Variants in VDR observed in about 807,000 individuals in gnomAD.
The protein encoded by VDR is vitamin D3 receptor.
In VDR, 19 loss-of-function variants were observed where a neutral mutation model predicts 39.7. That is an observed-to-expected ratio of 0.48 (90% CI 0.33 to 0.70). The LOEUF (loss-of-function observed/expected upper bound fraction) is 0.70. Among genes scored for constraint, VDR ranks in the 30% least tolerant of loss-of-function variants. The pLI is 0.02. For synonymous variants in VDR, 242 were observed against 215.8 expected, an observed-to-expected ratio of 1.12 and a Z score of -1.07; for missense variants, 442 against 570.5, an observed-to-expected ratio of 0.77 and a Z score of 2.29.
intron 3 of VDR, 82 bp from the exon 4 acceptor site, chr12:47,865,259 G>C (rs961490479): frequency 3.8e-6 from 6 of 1,587,478 alleles, no homozygotes; most frequent in Admixed American, 1.7e-5. Flanking sequence ...TGTCTTCTGG[G>C]CCCCCTGGTC....
intron 3 of VDR, among the ~76,000 whole-genome samples, chr12:47,876,717 TGG>T (rs1946013963): frequency 6.6e-6 from 1 of 152,240 alleles, no homozygotes; most frequent in Non-Finnish European, 1.5e-5. Context: ...ACACTCAGCC[TGG>T]GGCATGACAG....
At chr12:47,884,409 C>T (rs1946216760) in intron 1 of VDR, among the ~76,000 whole-genome samples, 2 of 152,184 alleles carry the variant, frequency 1.3e-5, no homozygotes, top group African/African-American at 4.8e-5. Flanking sequence ...CAGGGTCCCA[C>T]AGCTAGGCAA....
chr12:47,899,085 C>T (rs1946514017), intron 1 of VDR, among the ~76,000 whole-genome samples: 1 of 152,096 alleles, frequency 6.6e-6, no homozygotes, highest in South Asian at 2.1e-4. Context: ...TTGAAGAACC[C>T]AAGTTGCAGA....
At chr12:47,888,620 G>C (rs149947070) in intron 1 of VDR, among the ~76,000 whole-genome samples, 1 of 152,280 alleles carries the variant, frequency 6.6e-6, no homozygotes, top group South Asian at 2.1e-4. Context: ...GGCTATGCCC[G>C]TCACTGCTGG....
intron 3 of VDR, among the ~76,000 whole-genome samples, chr12:47,870,006 G>C (rs905431994): frequency 2.0e-5 from 3 of 152,204 alleles, no homozygotes; most frequent in Non-Finnish European, 4.4e-5. Flanking sequence ...AAAGGAAGAG[G>C]ACACCATTAC....
intron 4 of VDR, among the ~76,000 whole-genome samples, chr12:47,861,513 G>T (rs554780539): frequency 6.6e-6 from 1 of 152,210 alleles, no homozygotes; most frequent in African/African-American, 2.4e-5. Flanking sequence ...TTTGTTTAAA[G>T]ATCTTGTTAA....
At chr12:47,904,443 T>G in intron 1 of VDR, 1 of 745,606 alleles carries the variant, frequency 1.3e-6, no homozygotes, top group Non-Finnish European at 1.9e-6. Context: ...TCTAAACTCA[T>G]TGGTAGTTCA....
chr12:47,846,504 C>T (rs1038072642), intron 8 of VDR, 53 bp from the exon 9 acceptor site: 14 of 1,548,662 alleles, frequency 9.0e-6, no homozygotes, highest in Non-Finnish European at 8.7e-6. Context: ...GCCGCCCACC[C>T]ACCTCCAACC....
intron 1 of VDR, chr12:47,904,504 A>G (rs1946632421): frequency 1.6e-6 from 2 of 1,214,050 alleles, no homozygotes; most frequent in South Asian, 1.7e-5. Context: ...AAAAGACCCA[A>G]CTCCACCATC....
chr12:47,874,198 T>C (rs1161674005), intron 3 of VDR, among the ~76,000 whole-genome samples: 2 of 152,198 alleles, frequency 1.3e-5, no homozygotes, highest in Non-Finnish European at 2.9e-5. Context: ...TCATTCTCTT[T>C]CATTCACATC....
At chr12:47,896,945 G>A (rs1322581321) in intron 1 of VDR, 3 of 152,244 alleles carry the variant, frequency 2.0e-5, no homozygotes, top group Admixed American at 6.6e-5. Context: ...ATTCACCCTC[G>A]TACCACCTGC....
chr12:47,844,218 C>A lies in VDR; in HGVS notation c.*528G>T, dbSNP rs11574120. ...AACCCACCTCACCACAGCTACTGCC[C>A]GTGAGAATATAACCAGGGCAATGGG... is the stretch of plus-strand genomic sequence containing the variant. On this transcript the variant is annotated 3_prime_UTR_variant, in exon 10 of 10. Transcript: ENST00000549336. 3 of 182,444 alleles carry A rather than the reference C, an allele frequency of 1.6e-5. No homozygotes were observed. The highest frequency in any genetic ancestry group is 3.5e-5 in the Non-Finnish European group (3 of 85,712). 11.3% of individuals were successfully genotyped at this position (182,444 alleles called of 1,614,324 possible).
chr12:47,846,185 C>G, intron 9 of VDR, 150 bp downstream of exon 9: 1 of 693,272 alleles, frequency 1.4e-6, no homozygotes, highest in Non-Finnish European at 2.5e-6. Context: ...ACCACAGGGG[C>G]TCTGCAAACC....
intron 3 of VDR, among the ~76,000 whole-genome samples, chr12:47,865,400 T>G (rs936732727): frequency 6.6e-6 from 1 of 152,186 alleles, no homozygotes; most frequent in African/African-American, 2.4e-5. Context: ...TGTACTTACC[T>G]TTTTTCTTTT....
intron 4 of VDR, among the ~76,000 whole-genome samples, chr12:47,859,866 TTTCC>T (rs760043388): frequency 0.07 from 3,501 of 50,270 alleles, 125 homozygotes; most frequent in Admixed American, 0.13. Flanking sequence ...TCCTTCCTTC[TTTCC>T]TTCCTTCCTT....
chr12:47,885,464 C>T (rs571590220), intron 1 of VDR, among the ~76,000 whole-genome samples: 15 of 152,378 alleles, frequency 9.8e-5, no homozygotes, highest in South Asian at 8.3e-4. Flanking sequence ...ATCTCGCCTA[C>T]GGCAGTCTTG....
At position 47,878,016 on chromosome 12, in the gene VDR, C is replaced by T. The variant is rs561979018; in HGVS notation, c.146+952G>A. The stretch of plus-strand genomic sequence containing the variant: ...TCCTTGAGTAAGAGTCCCACACAAG[C>T]GCCTGGACTTGAATTCACTGTGCCC... On this transcript the variant is annotated intron_variant, in intron 3 of 9. Transcript: ENST00000549336. Among the ~76,000 whole-genome samples, 14 of 152,268 alleles carry T rather than the reference C, an allele frequency of 9.2e-5. No homozygotes were observed. In the East Asian group the frequency reaches 9.7e-4, roughly 11 times the overall value.
intron 3 of VDR, among the ~76,000 whole-genome samples, chr12:47,865,573 G>A (rs964994983): frequency 1.3e-5 from 2 of 151,936 alleles, no homozygotes; most frequent in Non-Finnish European, 2.9e-5. Context: ...CACCATGCCT[G>A]GCTAATTTTT....
rs1234456696 is a variant in VDR at position 47,844,959 on chromosome 12, G to A, written c.1071C>T (p.Asp357=). The part of the protein sequence containing the change: ...QDAALIEAIQ[D]RLSNTLQTYI... Reference sequence around the variant, plus strand: ...ACGTCTGCAGTGTGTTGGACAGGCGGTCCTGGATGGCCTCAATCAGCGCGG... The same window carrying A: ...ACGTCTGCAGTGTGTTGGACAGGCGATCCTGGATGGCCTCAATCAGCGCGG... The change falls in exon 10 of 10, where the codon GAC becomes GAT. Residue 357 remains aspartate, a synonymous_variant. Coordinates refer to ENST00000549336, the MANE Select transcript of VDR (RefSeq NM_000376.3). The A allele has an allele frequency of 1.2e-6, 2 of 1,613,804 alleles. No homozygotes were observed. The highest frequency in any genetic ancestry group is 3.3e-5 in the Admixed American group (2 of 59,990).
Sources: gnomAD v4.1 joint callset for allele counts (sites outside exome capture counted in the v4.1 genomes callset) on GRCh38, gnomAD v4.1.1 for gene constraint, MANE v1.5 for transcripts, NCBI Gene and HGNC (gene_info 2026-07-23, HGNC 2026-07-21) for gene names.